CAPZB: variants seen among roughly 807,000 people sequenced by gnomAD.
The protein encoded by CAPZB is F-actin-capping protein subunit beta.
CAPZB carries 2 observed loss-of-function variants against 38.1 expected under a neutral mutation model. That is an observed-to-expected ratio of 0.05 (90% CI 0.02 to 0.17). The LOEUF (loss-of-function observed/expected upper bound fraction) is 0.17, where lower values mean the gene tolerates loss of function less well. Among genes scored for constraint, CAPZB ranks in the 10% least tolerant of loss-of-function variants. The probability of loss-of-function intolerance (pLI) is 1.00; values close to 1 mark genes in which losing one functional copy is unlikely to be tolerated. For synonymous variants in CAPZB, 107 were observed against 127.4 expected, an observed-to-expected ratio of 0.84 and a Z score of 1.08; for missense variants, 161 against 334.2, an observed-to-expected ratio of 0.48 and a Z score of 4.04.
At chr1:19,385,913 G>C in intron 2 of CAPZB, 1 of 487,450 alleles carries the variant, frequency 2.1e-6, no homozygotes, top group South Asian at 1.9e-5. Context: ...GGGTGGCCTA[G>C]TAAATTTAAG....
At chr1:19,344,904 A>G (rs908287235) in intron 7 of CAPZB, among the ~76,000 whole-genome samples, 3 of 152,222 alleles carry the variant, frequency 2.0e-5, no homozygotes, top group African/African-American at 7.2e-5. Context: ...CCAGGCGATC[A>G]GGGGAGACAA....
chr1:19,457,057 G>C (rs1469639612), intron 1 of CAPZB, among the ~76,000 whole-genome samples: 1 of 152,200 alleles, frequency 6.6e-6, no homozygotes, highest in African/African-American at 2.4e-5. Flanking sequence ...CAGAAAGGCA[G>C]GAAGTTCCAG....
chr1:19,484,231 C>A, intron 1 of CAPZB: 3 of 1,612,662 alleles, frequency 1.9e-6, no homozygotes, highest in Non-Finnish European at 8.5e-7. Flanking sequence ...CCAACCCTTG[C>A]AAGCTGACAG....
At position 19,345,195 on chromosome 1, in the gene CAPZB, G is replaced by C; in HGVS notation, c.646C>G (p.Leu216Val). 1 of 1,613,862 alleles carries C rather than the reference G, an allele frequency of 6.2e-7. No individual in the cohort carries two copies. Among genetic ancestry groups the C allele is most frequent in the Non-Finnish European group, 8.5e-7 (1 of 1,179,814 alleles). ...CSPHIANIGR[L>V]VEDMENKIRS... The stretch of plus-strand genomic sequence containing the variant: ...GAGCCCAGGTCACTCACCTCTACCA[G>C]GCGCCCGATGTTGGCTATGTGTGGG... The change falls in exon 7 of 9, where the codon CTG (leucine) becomes GTG (valine). Residue 216 changes from leucine (L) to valine (V), a missense_variant. Leu to Val is a conservative substitution (Grantham distance 32). Coordinates refer to ENST00000264202, the MANE Select transcript of CAPZB (RefSeq NM_004930.5).
At chr1:19,365,799 A>T (rs2094080857) in intron 4 of CAPZB, among the ~76,000 whole-genome samples, 1 of 151,702 alleles carries the variant, frequency 6.6e-6, no homozygotes, top group Non-Finnish European at 1.5e-5. Flanking sequence ...ATGCCATTGC[A>T]CTCCAGCCTG....
Position 19,339,152 on chromosome 1 carries a change from A to G in CAPZB, c.*378T>C, listed in dbSNP as rs1339789660. 4.6e-6 allele frequency: 1 copy of G among 216,074 alleles called. No individual in the cohort carries two copies. The highest frequency in any genetic ancestry group is 9.3e-6 in the Non-Finnish European group (1 of 107,320). 13.4% of individuals were successfully genotyped at this position (216,074 alleles called of 1,614,324 possible). A position where few individuals can be genotyped will look rare whatever the true frequency, so the allele number is the denominator to read the frequency against. ...CTTTCACACACCACAGTTAGTTCATAAAATTTTTTTGTTTTACATTTTTTA... is the reference window on the plus strand; with the variant it reads ...CTTTCACACACCACAGTTAGTTCATGAAATTTTTTTGTTTTACATTTTTTA... On this transcript the variant is annotated 3_prime_UTR_variant, in exon 9 of 9. Coordinates refer to ENST00000264202, the MANE Select transcript of CAPZB (RefSeq NM_004930.5).
At chr1:19,408,394 T>C (rs573381658) in intron 2 of CAPZB, among the ~76,000 whole-genome samples, 15 of 152,358 alleles carry the variant, frequency 9.8e-5, no homozygotes, top group Non-Finnish European at 2.1e-4. Context: ...GGAGATGAAG[T>C]GCCTTGTCCA....
chr1:19,452,559 C>G (rs11589517), intron 1 of CAPZB, among the ~76,000 whole-genome samples: 47,497 of 152,076 alleles, frequency 0.31, 7,548 homozygotes, highest in Admixed American at 0.34. Context: ...ACGTACACAC[C>G]CTGAAGGCAG....
At chr1:19,467,720 T>C (rs2094573475) in intron 1 of CAPZB, among the ~76,000 whole-genome samples, 2 of 152,212 alleles carry the variant, frequency 1.3e-5, no homozygotes, top group Non-Finnish European at 2.9e-5. Flanking sequence ...TGCTTCCCAG[T>C]GCAGAGAGGC....
At chr1:19,481,694 G>A (rs1186331065) in intron 1 of CAPZB, among the ~76,000 whole-genome samples, 5 of 152,182 alleles carry the variant, frequency 3.3e-5, no homozygotes, top group African/African-American at 2.4e-5. Flanking sequence ...CGGACTGCGT[G>A]CACGTGCAAT....
intron 6 of CAPZB, among the ~76,000 whole-genome samples, chr1:19,347,916 C>A (rs1350877637): frequency 6.6e-6 from 1 of 152,162 alleles, no homozygotes; most frequent in Non-Finnish European, 1.5e-5. Flanking sequence ...GTTAAATGTA[C>A]CAGGGCAAAT....
rs1433654028 is a variant in CAPZB at position 19,476,213 on chromosome 1, T to TAGACAGAC, written c.3+9222_3+9223insGTCTGTCT. Among the ~76,000 whole-genome samples the TAGACAGAC allele has an allele frequency of 7.8e-3, 953 of 122,762 alleles. 13 individuals carry two copies. Among genetic ancestry groups the TAGACAGAC allele is most frequent in the African/African-American group, 0.03 (879 of 29,736 alleles). 80.5% of individuals were successfully genotyped at this position (122,762 alleles called of 152,430 possible). Reference sequence around the variant, plus strand: ...ATAGATAGATAGATAGATAGATAGATAGATAGATAGATAGGCAGGCAGGCA... The same window carrying TAGACAGAC: ...ATAGATAGATAGATAGATAGATAGATAGACAGACAGATAGATAGATAGGCAGGCAGGCA... On this transcript the variant is annotated intron_variant, in intron 1 of 8. Transcript: ENST00000264202.
chr1:19,465,897 T>C (rs1035515774), intron 1 of CAPZB, among the ~76,000 whole-genome samples: 1 of 152,174 alleles, frequency 6.6e-6, no homozygotes, highest in Admixed American at 6.5e-5. Flanking sequence ...CGGAGCCCTA[T>C]ATGTGCTAGG....
chr1:19,462,648 A>C (rs1036552978), intron 1 of CAPZB, among the ~76,000 whole-genome samples: 5 of 152,170 alleles, frequency 3.3e-5, no homozygotes, highest in Non-Finnish European at 7.3e-5. Flanking sequence ...ATATGAAACA[A>C]CATATTCACC....
chr1:19,483,450 G>A lies in CAPZB; in HGVS notation c.3+1986C>T, dbSNP rs139725771. Among the ~76,000 whole-genome samples, 39 of 152,324 alleles carry A rather than the reference G, an allele frequency of 2.6e-4. 1 individual carries two copies. The highest frequency in any genetic ancestry group is 8.4e-4 in the African/African-American group (35 of 41,560). The stretch of plus-strand genomic sequence containing the variant: ...ATAAAATGGGGACAGCCCCAGAAGG[G>A]CTTCCTGTGGATGAAAACAGCTTGT... On this transcript the variant is annotated intron_variant, in intron 1 of 8. Transcript: ENST00000264202.
intron 6 of CAPZB, among the ~76,000 whole-genome samples, chr1:19,351,586 C>T (rs902161620): frequency 1.3e-5 from 2 of 152,162 alleles, no homozygotes; most frequent in African/African-American, 4.8e-5. Flanking sequence ...AGTGCTGGAA[C>T]TATTATCTTT....
intron 1 of CAPZB, chr1:19,484,609 G>A: frequency 8.3e-7 from 1 of 1,200,158 alleles, no homozygotes; most frequent in Non-Finnish European, 1.1e-6. Flanking sequence ...ATCCCTGATG[G>A]AGAGCTCCCC....
chr1:19,371,220 C>T (rs561509635), intron 4 of CAPZB, among the ~76,000 whole-genome samples: 50 of 152,192 alleles, frequency 3.3e-4, no homozygotes, highest in Non-Finnish European at 6.0e-4. Flanking sequence ...AGCCCCATCC[C>T]GAAACTACGG....
rs1331160381 is a variant in CAPZB, at chr1:19,357,317, A to C, written c.471+105T>G. On this transcript the variant is annotated intron_variant, in intron 5 of 8. Coordinates refer to ENST00000264202, the MANE Select transcript of CAPZB (RefSeq NM_004930.5). This position sits in a 1 kb window ranked among gnomAD's most constrained non-coding sequence, Gnocchi z 4.3. Reference sequence around the variant, plus strand: ...GCATTTCTCAGAATTAGGGGTTCAGAGATCACAGCATCCCCCTACTGCATC... The same window carrying C: ...GCATTTCTCAGAATTAGGGGTTCAGCGATCACAGCATCCCCCTACTGCATC... The C allele has an allele frequency of 1.4e-5, 14 of 1,029,668 alleles. No individual in the cohort carries two copies. Among genetic ancestry groups the C allele is most frequent in the Non-Finnish European group, 2.1e-5 (14 of 682,120 alleles). 63.8% of individuals were successfully genotyped at this position (1,029,668 alleles called of 1,614,324 possible). A position where few individuals can be genotyped will look rare whatever the true frequency, so the allele number is the denominator to read the frequency against.
Sources: allele counts gnomAD v4.1 joint callset (sites outside exome capture counted in the v4.1 genomes callset), GRCh38; gene constraint gnomAD v4.1.1; non-coding constraint Gnocchi (gnomAD v3.1); transcripts MANE v1.5; gene names NCBI Gene and HGNC (gene_info 2026-07-23, HGNC 2026-07-21).